Variants in NRG3 observed in about 807,000 individuals in gnomAD.
The protein encoded by NRG3 is pro-neuregulin-3, membrane-bound isoform.
NRG3 carries 31 observed loss-of-function variants against 66.9 expected under a neutral mutation model. That is an observed-to-expected ratio of 0.46 (90% confidence interval 0.35 to 0.63). NRG3 has a LOEUF of 0.63. NRG3 is among the 20% of genes least tolerant of loss of function. The pLI, the probability that NRG3 is intolerant of heterozygous loss-of-function variation, is 0.00. For synonymous variants in NRG3, 393 were observed against 359.4 expected (o/e 1.09, Z -1.06); for missense variants, 910 against 878.9 (o/e 1.04, Z -0.45).
chr10:82,589,132 C>T (rs2046842608), intron 2 of NRG3, among the ~76,000 whole-genome samples: 3 of 152,148 alleles, frequency 2.0e-5, no homozygotes, highest in Non-Finnish European at 1.5e-5. Context: ...ACTCTGTTCT[C>T]TCCCAGATCC....
intron 1 of NRG3, among the ~76,000 whole-genome samples, chr10:81,931,930 G>A (rs61862899): frequency 5.0e-4 from 76 of 152,138 alleles, no homozygotes; most frequent in Non-Finnish European, 9.1e-4. Flanking sequence ...TGAACTCTGG[G>A]CAATTCAGGA....
At chr10:82,371,975 G>T (rs2084924581) in intron 2 of NRG3, among the ~76,000 whole-genome samples, 2 of 152,144 alleles carry the variant, frequency 1.3e-5, no homozygotes, top group African/African-American at 2.4e-5. Flanking sequence ...CACAATGGGG[G>T]TCTAATTTCA....
At chr10:82,302,440 A>G (rs536830506) in intron 1 of NRG3, among the ~76,000 whole-genome samples, 1 of 152,218 alleles carries the variant, frequency 6.6e-6, no homozygotes. Context: ...ATTCTGCTGA[A>G]CAATAATAGT....
chr10:82,056,777 T>C (rs1044426589), intron 1 of NRG3, among the ~76,000 whole-genome samples: 1 of 152,246 alleles, frequency 6.6e-6, no homozygotes, highest in African/African-American at 2.4e-5. Context: ...TTAACAATTA[T>C]GTTCTCTTAG....
chr10:82,285,465 A>T lies in NRG3; in HGVS notation c.824-73274A>T, dbSNP rs78037000. On this transcript the variant is annotated intron_variant, in intron 1 of 8. Transcript: ENST00000372141. ...AATAATGTTTTAAGTCTTCTTTTTA[A>T]AAAATAACCAATTCCCCCAGGATAT... Among the ~76,000 whole-genome samples, 879 of 152,322 alleles carry T rather than the reference A, an allele frequency of 5.8e-3. 6 individuals are homozygous for T. The highest frequency in any genetic ancestry group is 7.3e-3 in the Non-Finnish European group (499 of 68,020).
chr10:82,750,660 G>A (rs1027697410), intron 3 of NRG3, among the ~76,000 whole-genome samples: 3 of 151,994 alleles, frequency 2.0e-5, no homozygotes, highest in African/African-American at 7.2e-5. Context: ...TTATGGTTGA[G>A]GCAACAGACA....
intron 1 of NRG3, among the ~76,000 whole-genome samples, chr10:82,033,336 A>C (rs1169095391): frequency 6.6e-6 from 1 of 152,102 alleles, no homozygotes. Flanking sequence ...CCTACAGTAC[A>C]TTGTTCCCTC....
At chr10:82,420,076 G>A (rs1590065435) in intron 2 of NRG3, among the ~76,000 whole-genome samples, 2 of 152,174 alleles carry the variant, frequency 1.3e-5, no homozygotes, top group East Asian at 1.9e-4. Flanking sequence ...CATTTCTGCC[G>A]CTCTCCCTGA....
At position 81,875,336 on chromosome 10, in the gene NRG3, C is replaced by T. The variant is rs1841522365; in HGVS notation, c.-5C>T. The T allele has an allele frequency of 2.0e-6, 2 of 987,288 alleles. No individual in the cohort carries two copies. The highest frequency in any genetic ancestry group is 2.4e-6 in the Non-Finnish European group (2 of 832,610). The allele number at this position is 987,288 out of a possible 1,614,324, so 61.2% of individuals were successfully genotyped here. On this transcript the variant is annotated 5_prime_UTR_variant, in exon 1 of 9. Coordinates refer to ENST00000372141, the MANE Select transcript of NRG3 (RefSeq NM_001010848.4). The surrounding 1 kb of genome is among the most constrained non-coding windows in gnomAD (Gnocchi z 5.3). ...GGGGGGCGAAGGTGAAGACCGGCTC[C>T]TAGGATGAGTGAAGGGGCGGCCGCT...
At chr10:82,527,333 A>G (rs1846815245) in intron 2 of NRG3, among the ~76,000 whole-genome samples, 2 of 152,190 alleles carry the variant, frequency 1.3e-5, no homozygotes, top group South Asian at 4.1e-4. Flanking sequence ...ATATTAGTAA[A>G]TATAATTGTT....
At chr10:82,104,411 G>A (rs1173303606) in intron 1 of NRG3, among the ~76,000 whole-genome samples, 1 of 152,132 alleles carries the variant, frequency 6.6e-6, no homozygotes, top group Non-Finnish European at 1.5e-5. Context: ...AAAAGAGAGT[G>A]GGATACAAAA....
intron 2 of NRG3, among the ~76,000 whole-genome samples, chr10:82,592,982 G>C (rs543385312): frequency 6.6e-5 from 10 of 152,190 alleles, no homozygotes; most frequent in African/African-American, 2.2e-4. Flanking sequence ...GGCCCAATGG[G>C]ACTAACTGAT....
At chr10:82,281,634 G>T (rs527449503) in intron 1 of NRG3, among the ~76,000 whole-genome samples, 3 of 152,256 alleles carry the variant, frequency 2.0e-5, no homozygotes, top group Admixed American at 2.0e-4. Context: ...TCCTGTAATT[G>T]AGTCCTGACA....
intron 1 of NRG3, among the ~76,000 whole-genome samples, chr10:82,022,361 C>T (rs561916876): frequency 3.9e-5 from 6 of 152,080 alleles, no homozygotes; most frequent in Non-Finnish European, 8.8e-5. Flanking sequence ...GAATGACAAA[C>T]CCTGTCAGTC....
intron 1 of NRG3, among the ~76,000 whole-genome samples, chr10:82,299,101 T>C (rs542411750): frequency 3.3e-5 from 5 of 151,882 alleles, no homozygotes; most frequent in Non-Finnish European, 7.4e-5. Flanking sequence ...ACCATGGAGA[T>C]TGGGTTTAAA....
intron 1 of NRG3, among the ~76,000 whole-genome samples, chr10:81,981,482 C>T (rs1460319259): frequency 6.6e-6 from 1 of 152,182 alleles, no homozygotes; most frequent in Non-Finnish European, 1.5e-5. Context: ...TTTGTGGGTC[C>T]ACCGGGACAG....
At chr10:81,963,714 A>G (rs1945280232) in intron 1 of NRG3, among the ~76,000 whole-genome samples, 1 of 152,162 alleles carries the variant, frequency 6.6e-6, no homozygotes, top group African/African-American at 2.4e-5. Context: ...ATGCAGTGCT[A>G]AGGGTTGCTC....
chr10:82,653,656 A>C (rs2051609287), intron 2 of NRG3, among the ~76,000 whole-genome samples: 1 of 151,996 alleles, frequency 6.6e-6, no homozygotes, highest in Non-Finnish European at 1.5e-5. Context: ...TTTTTAAAAA[A>C]AAAAACAAAG....
chr10:82,349,611 C>A lies in NRG3; in HGVS notation c.824-9128C>A, dbSNP rs545063217. 1.2e-3 allele frequency among the ~76,000 whole-genome samples: 183 copies of A among 152,150 alleles called. 1 individual carries two copies. In the East Asian group the frequency reaches 0.031, roughly 26 times the overall value. ...GCTCCACCCAGTTCGAGCTTCCCGG[C>A]TGCTTTGTTTACCTAAGCAAGCCTG... On this transcript the variant is annotated intron_variant, in intron 1 of 8. Transcript: ENST00000372141.
Sources: gnomAD v4.1 joint callset for allele counts (sites outside exome capture counted in the v4.1 genomes callset) on GRCh38, gnomAD v4.1.1 for gene constraint, Gnocchi (gnomAD v3.1) non-coding constraint, MANE v1.5 for transcripts, NCBI Gene and HGNC (gene_info 2026-07-23, HGNC 2026-07-21) for gene names.